Variants in CFAP99 observed in about 807,000 individuals in gnomAD.
CFAP99 encodes cilia and flagella associated protein 99.
Under a neutral mutation model 82.7 loss-of-function variants are expected in CFAP99, and 84 were observed. The observed-to-expected ratio is 1.02, with a 90% CI of 0.85 to 1.22. The LOEUF is 1.22. Ranked by LOEUF, CFAP99 falls within the 50% of genes most tolerant of loss-of-function variation. The pLI is 0.00. For synonymous variants in CFAP99, 456 were observed against 429.5 expected (o/e 1.06, Z -0.76); for missense variants, 1,059 against 983.5 (o/e 1.08, Z -1.03).
exon 2 of CFAP99, chr4:2,426,478 G>T: frequency 6.5e-7 from 1 of 1,535,144 alleles, no homozygotes; most frequent in Non-Finnish European, 8.7e-7. Context: ...CTAAGAAGAT[G>T]GCCTACTATG....
At chr4:2,460,895 C>T (rs568185116) in intron 14 of CFAP99, among the ~76,000 whole-genome samples, 37 of 152,236 alleles carry the variant, frequency 2.4e-4, no homozygotes, top group Admixed American at 1.8e-3. Flanking sequence ...CACACCACCA[C>T]GCCCGGCTAA....
intron 2 of CFAP99, among the ~76,000 whole-genome samples, chr4:2,430,240 T>C (rs75768665): frequency 0.11 from 4,634 of 42,818 alleles, 13 homozygotes; most frequent in East Asian, 0.4. Flanking sequence ...TGCCAGAAAA[T>C]TACGCAATAC....
rs1734637899 is a variant in CFAP99 at position 2,462,269 on chromosome 4, C to T, written c.1662-174C>T. On this transcript the variant is annotated intron_variant, in intron 14 of 14. Transcript: ENST00000635017. The surrounding 1 kb of genome is among the most constrained non-coding windows in gnomAD (Gnocchi z 4.1). Reference sequence around the variant, plus strand: ...CCCCTCCAGCCCCTGAGCGGTGGTACTGTCTAGGAGCGCGCCGCGGCCCCT... The same window carrying T: ...CCCCTCCAGCCCCTGAGCGGTGGTATTGTCTAGGAGCGCGCCGCGGCCCCT... The T allele has an allele frequency of 2.0e-6, 1 of 512,514 alleles. No individual in the cohort carries two copies. The highest frequency in any genetic ancestry group is 3.2e-6 in the Non-Finnish European group (1 of 310,528). The allele number at this position is 512,514 out of a possible 1,614,324, so 31.7% of individuals were successfully genotyped here. A position where few individuals can be genotyped will look rare whatever the true frequency, so the allele number is the denominator to read the frequency against.
chr4:2,429,841 T>C (rs1209380900), intron 2 of CFAP99, among the ~76,000 whole-genome samples: 1 of 152,192 alleles, frequency 6.6e-6, no homozygotes, highest in African/African-American at 2.4e-5. Flanking sequence ...TCCGCCCGCC[T>C]CGGCCTCCCA....
intron 6 of CFAP99, among the ~76,000 whole-genome samples, 172 bp from the exon 7 acceptor site, chr4:2,449,498 G>A (rs1262538981): frequency 1.4e-5 from 2 of 139,300 alleles, no homozygotes. Context: ...TACTGCCAAC[G>A]CTGACCCACC....
chr4:2,452,933 C>T (rs922187651), intron 11 of CFAP99, among the ~76,000 whole-genome samples: 1 of 151,952 alleles, frequency 6.6e-6, no homozygotes, highest in Non-Finnish European at 1.5e-5. Context: ...CATGGTGGTG[C>T]GTGCCCGTAG....
chr4:2,457,923 G>A (rs1225641526), intron 11 of CFAP99, among the ~76,000 whole-genome samples: 1 of 152,244 alleles, frequency 6.6e-6, no homozygotes, highest in African/African-American at 2.4e-5. Flanking sequence ...AGAGAGGCCC[G>A]AGACTTGTCC....
exon 11 of CFAP99, chr4:2,452,178 T>G (rs1734317052): frequency 6.5e-7 from 1 of 1,536,120 alleles, no homozygotes; most frequent in Admixed American, 2.0e-5. Context: ...GGGACTTCTC[T>G]GAGTTCTTCG....
chr4:2,419,106 G>A lies in CFAP99; in HGVS notation c.-18+13G>A, dbSNP rs892036982. The A allele has an allele frequency of 6.6e-6, 1 of 152,148 alleles. No individual in the cohort carries two copies. The highest frequency in any genetic ancestry group is 1.5e-5 in the Non-Finnish European group (1 of 68,048). 9.4% of individuals were successfully genotyped at this position (152,148 alleles called of 1,614,324 possible). A position where few individuals can be genotyped will look rare whatever the true frequency, so the allele number is the denominator to read the frequency against. ...GAGCGCCCGCCAGGTACGGGGGCGG[G>A]ACAGGTGCGGGGCGACGCGCCGCCG... On this transcript the variant is annotated intron_variant, in intron 1 of 14. Transcript: ENST00000635017.
At chr4:2,429,500 G>A (rs1733753868) in intron 2 of CFAP99, among the ~76,000 whole-genome samples, 1 of 152,212 alleles carries the variant, frequency 6.6e-6, no homozygotes, top group African/African-American at 2.4e-5. Flanking sequence ...ATATCCAGGG[G>A]GCTGCCCAGC....
chr4:2,424,929 TTC>T (rs1289262779), intron 1 of CFAP99, among the ~76,000 whole-genome samples: 2 of 152,190 alleles, frequency 1.3e-5, no homozygotes, highest in African/African-American at 4.8e-5. Context: ...TTCTTGTTAT[TTC>T]TCTCTCTTGT....
intron 11 of CFAP99, among the ~76,000 whole-genome samples, chr4:2,454,183 A>C (rs1734369837): frequency 6.6e-6 from 1 of 152,080 alleles, no homozygotes; most frequent in Non-Finnish European, 1.5e-5. Context: ...TTGTATTTGT[A>C]GTAGAGATGA....
chr4:2,439,913 G>A (rs976993488), intron 4 of CFAP99, among the ~76,000 whole-genome samples: 5 of 151,716 alleles, frequency 3.3e-5, no homozygotes, highest in Admixed American at 6.6e-5. Flanking sequence ...GTGCAATCTC[G>A]GCTCACTGCA....
At chr4:2,441,398 A>T (rs968219906) in intron 4 of CFAP99, among the ~76,000 whole-genome samples, 1 of 148,778 alleles carries the variant, frequency 6.7e-6, no homozygotes, top group Admixed American at 6.7e-5. Context: ...AAAATTGTTG[A>T]ACAAAGATCC....
intron 4 of CFAP99, among the ~76,000 whole-genome samples, chr4:2,442,591 A>G (rs1157324028): frequency 6.6e-6 from 1 of 151,940 alleles, no homozygotes; most frequent in Non-Finnish European, 1.5e-5. Flanking sequence ...CCCTGCCCCC[A>G]AGACCACCAT....
intron 14 of CFAP99, among the ~76,000 whole-genome samples, chr4:2,461,397 T>C (rs1403659383): frequency 6.6e-6 from 1 of 152,198 alleles, no homozygotes; most frequent in East Asian, 1.9e-4. Context: ...GGACTAATCA[T>C]TGCTGATGGA....
At chr4:2,459,876 G>A (rs188328948) in intron 13 of CFAP99, among the ~76,000 whole-genome samples, 161 bp from the exon 14 acceptor site, 46 of 152,358 alleles carry the variant, frequency 3.0e-4, no homozygotes, top group South Asian at 6.2e-4. Flanking sequence ...GTTGCAGAGC[G>A]GAGCCCAGGC....
At chr4:2,454,581 C>CTTTTTTTTTTTGTTTTTTTTTTTT (rs1734378524) in intron 11 of CFAP99, among the ~76,000 whole-genome samples, 14 of 94,716 alleles carry the variant, frequency 1.5e-4, no homozygotes, top group Non-Finnish European at 1.7e-4. Flanking sequence ...TGTTTTTTTT[C>CTTTTTTTTTTTGTTTTTTTTTTTT]TTTTTTTTTT....
intron 6 of CFAP99, among the ~76,000 whole-genome samples, chr4:2,447,386 A>G (rs1560385632): frequency 6.6e-6 from 1 of 151,066 alleles, no homozygotes; most frequent in South Asian, 2.1e-4. Context: ...GATTGGATAG[A>G]TGATCAAATG....
Sources: allele counts gnomAD v4.1 joint callset (sites outside exome capture counted in the v4.1 genomes callset), GRCh38; gene constraint gnomAD v4.1.1; non-coding constraint Gnocchi (gnomAD v3.1); transcripts MANE v1.5; gene names NCBI Gene and HGNC (gene_info 2026-07-23, HGNC 2026-07-21).